The following SHCBP1L variants were observed in gnomAD, a reference collection of about 807,000 sequenced individuals.
The protein encoded by SHCBP1L is SHC binding and spindle associated 1 like, also known as testicular spindle-associated protein SHCBP1L.
A neutral mutation model predicts 62.5 loss-of-function variants in SHCBP1L; 67 were observed. The ratio of observed to expected loss-of-function variants is 1.07; its 90% CI spans 0.88 to 1.31. The LOEUF (loss-of-function observed/expected upper bound fraction) is 1.31. SHCBP1L is among the 40% of genes most tolerant of loss of function. The probability of loss-of-function intolerance (pLI) is 0.00; values close to 1 mark genes in which losing one functional copy is unlikely to be tolerated. For synonymous variants in SHCBP1L, 284 were observed against 289.4 expected, an observed-to-expected ratio of 0.98 and a Z score of 0.19; for missense variants, 823 against 809.8, an observed-to-expected ratio of 1.02 and a Z score of -0.20.
chr1:182,928,534 C>A (rs1163320056), intron 6 of SHCBP1L, among the ~76,000 whole-genome samples: 1 of 151,900 alleles, frequency 6.6e-6, no homozygotes, highest in Admixed American at 6.6e-5. Context: ...TAAATCAAGA[C>A]CTGAAGGATG....
chr1:182,924,699 A>AGGAAG (rs1650626114), intron 6 of SHCBP1L, among the ~76,000 whole-genome samples: 1 of 98,000 alleles, frequency 1.0e-5, no homozygotes, highest in Admixed American at 1.2e-4. Context: ...AGGAAAGGAA[A>AGGAAG]GGAAGAAAGA....
chr1:182,941,959 T>C (rs1248139216), intron 2 of SHCBP1L, among the ~76,000 whole-genome samples: 1 of 152,058 alleles, frequency 6.6e-6, no homozygotes, highest in Non-Finnish European at 1.5e-5. Context: ...ACTTAAAAAA[T>C]GGGATGAGGT....
intron 6 of SHCBP1L, among the ~76,000 whole-genome samples, chr1:182,911,165 C>T (rs1277720737): frequency 6.6e-6 from 1 of 152,172 alleles, no homozygotes; most frequent in Non-Finnish European, 1.5e-5. Flanking sequence ...GCTGGGATTA[C>T]AGGTGTAAGC....
intron 5 of SHCBP1L, among the ~76,000 whole-genome samples, chr1:182,935,089 C>A (rs550771953): frequency 6.6e-6 from 1 of 152,192 alleles, no homozygotes; most frequent in African/African-American, 2.4e-5. Flanking sequence ...ACCATACTGT[C>A]TTGATTACTA....
chr1:182,939,394 C>T lies in SHCBP1L; in HGVS notation c.858G>A (p.Leu286=), dbSNP rs1571355593. Residue 286 remains leucine (L), a splice_region_variant and synonymous_variant, in exon 5 of 10, where the codon TTG becomes TTA. Transcript: ENST00000367547. ...YTALIEERIN[L]WCDIQDGTIP... is the part of the protein sequence containing the mutation. ...TTGTTCCATCCTGTATATCACACCA[C>T]CTGAAAATTATCAACATAATTACAA... 6 of 1,611,720 alleles carry T rather than the reference C, an allele frequency of 3.7e-6. No homozygotes were observed. In the East Asian group the frequency reaches 1.3e-4, roughly 36 times the overall value.
At position 182,905,603 on chromosome 1, in the gene SHCBP1L, A is replaced by T; in HGVS notation, c.1229T>A (p.Leu410Ter). Residue 410 changes from leucine to a stop codon, truncating the protein, a stop_gained, in exon 7 of 10, where the codon TTG (leucine) becomes TAG (stop). Transcript: ENST00000367547. LOFTEE classifies it high-confidence loss of function. ...SDTLLQQHGDLDLALDNCYSG... is the reference protein window; with the variant it reads ...SDTLLQQHGD ...ATAACAATTATCCAAAGCCAAATCC[A>T]AATCACCATGCTGTTGGAGAAGTGT... is the stretch of plus-strand genomic sequence containing the variant. The T allele has an allele frequency of 6.2e-7, 1 of 1,613,768 alleles. No homozygotes were observed.
intron 9 of SHCBP1L, among the ~76,000 whole-genome samples, chr1:182,900,765 C>A (rs1306064855): frequency 6.6e-6 from 1 of 152,092 alleles, no homozygotes; most frequent in African/African-American, 2.4e-5. Context: ...GGTGCGGTGG[C>A]TCATGCCCTG....
chr1:182,912,253 G>A (rs923637478), intron 6 of SHCBP1L, among the ~76,000 whole-genome samples: 1 of 152,092 alleles, frequency 6.6e-6, no homozygotes, highest in Non-Finnish European at 1.5e-5. Context: ...ACCTGCCTGG[G>A]CAATATAGCA....
chr1:182,925,437 G>A (rs73044386), intron 6 of SHCBP1L, among the ~76,000 whole-genome samples: 12,325 of 152,076 alleles, frequency 0.081, 1,336 homozygotes, highest in African/African-American at 0.25. Flanking sequence ...AAGATGTTCA[G>A]CATCTTCAAC....
chr1:182,908,866 AAAC>A (rs1650095162), intron 6 of SHCBP1L, among the ~76,000 whole-genome samples: 1 of 152,226 alleles, frequency 6.6e-6, no homozygotes, highest in African/African-American at 2.4e-5. Context: ...GTCATAAACA[AAAC>A]AACATGGGAT....
chr1:182,927,280 A>G (rs1429389207), intron 6 of SHCBP1L, among the ~76,000 whole-genome samples: 1 of 151,634 alleles, frequency 6.6e-6, no homozygotes, highest in African/African-American at 2.4e-5. Flanking sequence ...AAGATCACCA[A>G]CATAAGATGA....
At chr1:182,920,018 T>C (rs1344675020) in intron 6 of SHCBP1L, among the ~76,000 whole-genome samples, 2 of 152,056 alleles carry the variant, frequency 1.3e-5, no homozygotes, top group East Asian at 1.9e-4. Flanking sequence ...CACTAATGCA[T>C]ACATACAAAC....
chr1:182,946,406 C>CT (rs879905765), intron 2 of SHCBP1L, among the ~76,000 whole-genome samples: 63 of 143,654 alleles, frequency 4.4e-4, no homozygotes, highest in African/African-American at 4.8e-4. Context: ...ATCATTAAGT[C>CT]TTTTTTTTTT....
At chr1:182,904,704 C>T (rs987572172) in intron 7 of SHCBP1L, among the ~76,000 whole-genome samples, 6 of 152,104 alleles carry the variant, frequency 3.9e-5, no homozygotes, top group African/African-American at 1.4e-4. Context: ...GCACAGTGCC[C>T]AGCTTCACAT....
chr1:182,948,915 A>T (rs1651659909), intron 2 of SHCBP1L, among the ~76,000 whole-genome samples: 1 of 152,182 alleles, frequency 6.6e-6, no homozygotes, highest in South Asian at 2.1e-4. Flanking sequence ...TTCTGCCACA[A>T]AAGAATTAGA....
intron 6 of SHCBP1L, among the ~76,000 whole-genome samples, chr1:182,917,891 CA>C (rs1280373018): frequency 6.6e-6 from 1 of 151,882 alleles, no homozygotes; most frequent in Non-Finnish European, 1.5e-5. Flanking sequence ...AATAACACCC[CA>C]AAGTATCAGA....
chr1:182,913,812 C>T (rs1323902771), intron 6 of SHCBP1L, among the ~76,000 whole-genome samples: 2 of 152,158 alleles, frequency 1.3e-5, no homozygotes, highest in Non-Finnish European at 2.9e-5. Context: ...GAAACCCCAT[C>T]TCTACTAAAA....
intron 6 of SHCBP1L, 44 bp downstream of exon 6, chr1:182,929,603 A>G (rs764123970): frequency 7.6e-7 from 1 of 1,316,910 alleles, no homozygotes; most frequent in East Asian, 2.5e-5. Flanking sequence ...CCGATTATAC[A>G]CAGCTAATAC....
intron 1 of SHCBP1L, 29 bp from the exon 2 acceptor site, chr1:182,951,496 TA>T (rs1194472285): frequency 6.9e-7 from 1 of 1,444,754 alleles, no homozygotes; most frequent in Non-Finnish European, 9.3e-7. Context: ...GATCTACATA[TA>T]AATATATGAA....
Sources: allele counts gnomAD v4.1 joint callset (sites outside exome capture counted in the v4.1 genomes callset), GRCh38; gene constraint gnomAD v4.1.1; transcripts MANE v1.5; gene names NCBI Gene and HGNC (gene_info 2026-07-23, HGNC 2026-07-21).